The following DNAAF1 variants were observed in gnomAD, a reference collection of about 807,000 sequenced individuals.
The protein encoded by DNAAF1 is dynein assembly factor 1, axonemal.
A neutral mutation model predicts 71.1 loss-of-function variants in DNAAF1; 65 were observed. The observed-to-expected ratio is 0.91, with a 90% CI of 0.75 to 1.12. The LOEUF is 1.12. Among genes scored for constraint, DNAAF1 ranks in the 50% most tolerant of loss-of-function variants. DNAAF1 has a pLI of 0.00. For synonymous variants in DNAAF1, 414 were observed against 354.6 expected, an observed-to-expected ratio of 1.17 and a Z score of -1.88; for missense variants, 1,178 against 899.8, an observed-to-expected ratio of 1.31 and a Z score of -3.96.
Position 84,145,579 on chromosome 16 carries a change from C to G in DNAAF1, c.124+15C>G, listed in dbSNP as rs1369187361. The G allele has an allele frequency of 1.3e-6, 2 of 1,543,954 alleles. No homozygotes were observed. The highest frequency in any genetic ancestry group is 2.0e-5 in the Admixed American group (1 of 50,920). ...CTGCAAGGAAGGTGCCGACTGCCCC[C>G]CAGGGAGGGCGGTGGGCGAGGGGCA... On this transcript the variant is annotated intron_variant, in intron 1 of 11. Transcript: ENST00000378553.
intron 11 of DNAAF1, 87 bp downstream of exon 11, chr16:84,176,386 C>T (rs1567571303): frequency 6.3e-7 from 1 of 1,592,492 alleles, no homozygotes; most frequent in African/African-American, 1.3e-5. Flanking sequence ...CTCAGCCTTA[C>T]CCTGAGCTTT....
intron 6 of DNAAF1, among the ~76,000 whole-genome samples, chr16:84,163,013 C>G (rs2087788130): frequency 6.6e-6 from 1 of 152,190 alleles, no homozygotes; most frequent in African/African-American, 2.4e-5. Context: ...CAAGGTTCAT[C>G]TGCGATGCAG....
chr16:84,150,592 A>G (rs1028017601), intron 3 of DNAAF1, among the ~76,000 whole-genome samples: 2 of 151,388 alleles, frequency 1.3e-5, no homozygotes, highest in African/African-American at 4.9e-5. Flanking sequence ...TTTGTTTCCT[A>G]AGGAATTTTT....
In DNAAF1 at chr16:84,149,062, C is replaced by G; in HGVS notation, c.180C>G (p.Ser60Arg). 1 of 1,614,066 alleles carries G rather than the reference C, an allele frequency of 6.2e-7. No individual in the cohort carries two copies. ...CVGSSDTSYH[S>R]QQKQSGDNGS... is the part of the protein sequence containing the mutation. Reference sequence around the variant, plus strand: ...GTTCTTCTGACACATCCTACCACAGCCAGCAGAAACAGAGTGGTGATAATG... The same window carrying G: ...GTTCTTCTGACACATCCTACCACAGGCAGCAGAAACAGAGTGGTGATAATG... Residue 60 changes from serine to arginine, a missense_variant, in exon 2 of 12, where the codon AGC becomes AGG. By Grantham distance (110) the Ser-to-Arg change is moderately radical. Coordinates refer to ENST00000378553, the MANE Select transcript of DNAAF1 (RefSeq NM_178452.6).
intron 5 of DNAAF1, among the ~76,000 whole-genome samples, chr16:84,156,091 T>C (rs562542848): frequency 6.6e-6 from 1 of 152,186 alleles, no homozygotes; most frequent in African/African-American, 2.4e-5. Flanking sequence ...GCATCCCGAG[T>C]AGCTGGGATT....
At position 84,170,146 on chromosome 16, in the gene DNAAF1, G is replaced by A. The variant is rs750949357; in HGVS notation, c.1318G>A (p.Gly440Arg). 1 of 1,585,448 alleles carries A rather than the reference G, an allele frequency of 6.3e-7. No individual in the cohort carries two copies. The highest frequency in any genetic ancestry group is 1.7e-5 in the Admixed American group (1 of 58,730). The change falls in exon 8 of 12, where the codon GGG becomes AGG. Residue 440 changes from glycine (G) to arginine (R), a missense_variant. Physicochemically the swap from Gly to Arg is moderately radical, Grantham distance 125. Coordinates refer to ENST00000378553, the MANE Select transcript of DNAAF1 (RefSeq NM_178452.6). ...AGAGGACGGAGATGGAGAGCCAGAG[G>A]GGACCCTCCCAGCTGAGGCCCCACC... ...KGEDGDGEPEGTLPAEAPPPP... is the reference protein window; with the variant it reads ...KGEDGDGEPERTLPAEAPPPP...
rs2087330484 is a variant in DNAAF1 at position 84,154,725 on chromosome 16, G to A, written c.501G>A (p.Glu167=). 1 of 1,614,018 alleles carries A rather than the reference G, an allele frequency of 6.2e-7. No homozygotes were observed. The highest frequency in any genetic ancestry group is 8.5e-7 in the Non-Finnish European group (1 of 1,180,026). ...FLQMNLLRKI[E]NLEPLQKLDA... ...AAATGAACTTGCTCCGTAAAATTGA[G>A]AACCTGGAACCTCTGCAGAAACTGG... The change falls in exon 4 of 12, where the codon GAG becomes GAA. Residue 167 remains glutamate, a synonymous_variant. Transcript: ENST00000378553.
At chr16:84,160,936 CAAAA>C (rs994477404) in intron 6 of DNAAF1, among the ~76,000 whole-genome samples, 5 of 67,488 alleles carry the variant, frequency 7.4e-5, no homozygotes, top group Admixed American at 1.7e-4. Context: ...GACTCCGTCT[CAAAA>C]AAAAAAAAAA....
chr16:84,151,222 A>G (rs956279515), intron 3 of DNAAF1, among the ~76,000 whole-genome samples: 1 of 152,156 alleles, frequency 6.6e-6, no homozygotes. Context: ...CTGAGAGTCT[A>G]CTGTGTGCCC....
chr16:84,174,956 A>G (rs1279988403), intron 10 of DNAAF1: 6 of 486,010 alleles, frequency 1.2e-5, no homozygotes, highest in South Asian at 2.0e-5. Context: ...CCTGGGTTCA[A>G]GCAATTCTCC....
rs550123027 is a variant in DNAAF1 at position 84,155,144 on chromosome 16, G to C, written c.574+346G>C. Among the ~76,000 whole-genome samples, 230 of 152,262 alleles carry C rather than the reference G, an allele frequency of 1.5e-3. 2 individuals carry two copies. The highest frequency in any genetic ancestry group is 5.1e-3 in the African/African-American group (210 of 41,548). ...AGGATGGTCTCGATCTCCTGACCTCGTGATCCGCCCGCCTTGGCCTCCCAA... is the reference window on the plus strand; with the variant it reads ...AGGATGGTCTCGATCTCCTGACCTCCTGATCCGCCCGCCTTGGCCTCCCAA... On this transcript the variant is annotated intron_variant, in intron 4 of 11. Transcript: ENST00000378553.
At chr16:84,157,169 A>C (rs552660880) in intron 5 of DNAAF1, among the ~76,000 whole-genome samples, 2 of 152,036 alleles carry the variant, frequency 1.3e-5, no homozygotes, top group African/African-American at 4.8e-5. Context: ...GCATACATTT[A>C]TATATACAGT....
chr16:84,156,686 A>G (rs192796598), intron 5 of DNAAF1, among the ~76,000 whole-genome samples: 1 of 152,298 alleles, frequency 6.6e-6, no homozygotes, highest in East Asian at 1.9e-4. Context: ...TCACTCTCTC[A>G]GCATCTGTTA....
chr16:84,156,756 G>A (rs1005440251), intron 5 of DNAAF1, among the ~76,000 whole-genome samples: 1 of 151,824 alleles, frequency 6.6e-6, no homozygotes, highest in Admixed American at 6.6e-5. Flanking sequence ...GGTTCATGCA[G>A]TTCATGCAGA....
rs55903132 is a variant in DNAAF1 at position 84,168,827 on chromosome 16, T to TACACACACACACACACACACACAC, written c.1031-1025_1031-1002dup. Among the ~76,000 whole-genome samples, 97 of 145,992 alleles carry TACACACACACACACACACACACAC rather than the reference T, an allele frequency of 6.6e-4. No homozygotes were observed. The East Asian group carries it at 0.01, about 16-fold the overall frequency. On this transcript the variant is annotated intron_variant, in intron 7 of 11. Coordinates refer to ENST00000378553, the MANE Select transcript of DNAAF1 (RefSeq NM_178452.6). ...CATAATTTGCTACACATTTGCCACA[T>TACACACACACACACACACACACAC]ACACACACACACACACACACACACA... is the stretch of plus-strand genomic sequence containing the variant.
chr16:84,168,414 C>T (rs1383891327), intron 7 of DNAAF1, among the ~76,000 whole-genome samples: 2 of 152,200 alleles, frequency 1.3e-5, no homozygotes, highest in Non-Finnish European at 2.9e-5. Flanking sequence ...CATATTCTGA[C>T]ATTAAGGTGT....
intron 11 of DNAAF1, chr16:84,177,297 A>C (rs2088762099): frequency 3.6e-6 from 1 of 278,642 alleles, no homozygotes; most frequent in South Asian, 3.7e-5. Context: ...GTTTTGTTTG[A>C]GACAGTCTCG....
chr16:84,174,842 TC>T (rs2088567893), intron 10 of DNAAF1, 120 bp downstream of exon 10: 2 of 1,048,584 alleles, frequency 1.9e-6, no homozygotes, highest in East Asian at 2.8e-5. Flanking sequence ...AGCATTGAAT[TC>T]CCCCATATTC....
chr16:84,155,789 G>T, intron 5 of DNAAF1, 40 bp downstream of exon 5: 1 of 1,609,718 alleles, frequency 6.2e-7, no homozygotes, highest in South Asian at 1.1e-5. Flanking sequence ...AGCACCACAG[G>T]AAACCGCTTC....
Sources: gnomAD v4.1 joint callset for allele counts (sites outside exome capture counted in the v4.1 genomes callset) on GRCh38, gnomAD v4.1.1 for gene constraint, MANE v1.5 for transcripts, NCBI Gene and HGNC (gene_info 2026-07-23, HGNC 2026-07-21) for gene names.